GALNT2: variants seen among roughly 807,000 people sequenced by gnomAD.
The protein encoded by GALNT2 is UDP-GalNAc:polypeptide N-acetylgalactosaminyltransferase 2.
GALNT2 carries 31 observed loss-of-function variants against 81.4 expected under a neutral mutation model. The observed-to-expected ratio is 0.38, with a 90% CI of 0.29 to 0.51. The LOEUF (loss-of-function observed/expected upper bound fraction) is 0.51, where lower values mean the gene tolerates loss of function less well. Ranked by LOEUF, GALNT2 falls within the 20% of genes least tolerant of loss-of-function variation. GALNT2 has a pLI of 0.87. For synonymous variants in GALNT2, 303 were observed against 287.4 expected, an observed-to-expected ratio of 1.05 and a Z score of -0.55; for missense variants, 629 against 765.7, an observed-to-expected ratio of 0.82 and a Z score of 2.11.
chr1:230,141,227 C>T (rs536749073), intron 1 of GALNT2, among the ~76,000 whole-genome samples: 27 of 152,258 alleles, frequency 1.8e-4, no homozygotes, highest in Admixed American at 5.2e-4. Context: ...AGAGATCCTG[C>T]CCATCTTAAC....
At chr1:230,181,368 T>C (rs1663154533) in intron 2 of GALNT2, among the ~76,000 whole-genome samples, 1 of 152,226 alleles carries the variant, frequency 6.6e-6, no homozygotes, top group African/African-American at 2.4e-5. Context: ...TTTTCTTGCT[T>C]AGCTAGTGGA....
rs192658797 is a variant in GALNT2 at position 230,153,736 on chromosome 1, C to T, written c.127-24482C>T. ...ACACAGTGAGCTCAGTCTGTCTGGC[C>T]GAGGCCACTCCGCTCTTGGAGATGG... On this transcript the variant is annotated intron_variant, in intron 1 of 15. Transcript: ENST00000366672. Among the ~76,000 whole-genome samples, 101 of 152,290 alleles carry T rather than the reference C, an allele frequency of 6.6e-4. 1 individual carries two copies. The highest frequency in any genetic ancestry group is 2.0e-3 in the African/African-American group (85 of 41,556).
rs373493404 is a variant in GALNT2 at position 230,243,281 on chromosome 1, C to T, written c.608-25C>T. The T allele has an allele frequency of 1.0e-4, 159 of 1,582,678 alleles. No homozygotes were observed. Among genetic ancestry groups the T allele is most frequent in the African/African-American group, 9.1e-4 (68 of 74,376 alleles). On this transcript the variant is annotated intron_variant, in intron 6 of 15. Coordinates refer to ENST00000366672, the MANE Select transcript of GALNT2 (RefSeq NM_004481.5). This position sits in a 1 kb window ranked among gnomAD's most constrained non-coding sequence, Gnocchi z 4.2. Reference sequence around the variant, plus strand: ...TGGCCCTGTGGCTTCTCTCTCCTGACGTGCTTTCCAACTCGCCTCTGCAGG... The same window carrying T: ...TGGCCCTGTGGCTTCTCTCTCCTGATGTGCTTTCCAACTCGCCTCTGCAGG...
chr1:230,199,154 T>C (rs1011712144), intron 2 of GALNT2, among the ~76,000 whole-genome samples: 3 of 152,186 alleles, frequency 2.0e-5, no homozygotes, highest in Non-Finnish European at 4.4e-5. Flanking sequence ...AGATGATGTA[T>C]GGATGACATG....
chr1:230,262,141 G>T (rs552032234), intron 11 of GALNT2: 1 of 160,240 alleles, frequency 6.2e-6, no homozygotes, highest in African/African-American at 2.4e-5. Context: ...TGTCGTAGCC[G>T]TGACGGAGAA....
At chr1:230,164,572 C>T (rs866205520) in intron 1 of GALNT2, among the ~76,000 whole-genome samples, 4 of 151,122 alleles carry the variant, frequency 2.6e-5, no homozygotes, top group African/African-American at 4.9e-5. Context: ...GTCACTCTGT[C>T]GCCCAGGCTG....
intron 1 of GALNT2, among the ~76,000 whole-genome samples, chr1:230,146,860 G>A (rs775463577): frequency 6.6e-6 from 1 of 152,146 alleles, no homozygotes; most frequent in Non-Finnish European, 1.5e-5. Flanking sequence ...CCTGTGAGGA[G>A]GTTAGGTAAG....
chr1:230,127,211 C>T (rs564413022), intron 1 of GALNT2, among the ~76,000 whole-genome samples: 15 of 151,568 alleles, frequency 9.9e-5, no homozygotes, highest in East Asian at 9.7e-4. Context: ...GCCCCGCCTG[C>T]GCTGGTGCTG....
chr1:230,067,441 C>A, intron 1 of GALNT2, 35 bp downstream of exon 1: 1 of 878,174 alleles, frequency 1.1e-6, no homozygotes, highest in Non-Finnish European at 1.5e-6. Context: ...CGGGCCCCTG[C>A]GCCCACCCCC....
chr1:230,253,427 G>A (rs1478079703), intron 10 of GALNT2, among the ~76,000 whole-genome samples: 1 of 152,076 alleles, frequency 6.6e-6, no homozygotes, highest in South Asian at 2.1e-4. Flanking sequence ...CTGCCTGCAG[G>A]ATTTGCCATC....
At chr1:230,252,384 G>A (rs1283162377) in intron 10 of GALNT2, among the ~76,000 whole-genome samples, 2 of 152,250 alleles carry the variant, frequency 1.3e-5, no homozygotes, top group Non-Finnish European at 2.9e-5. Flanking sequence ...CAATTAAAAT[G>A]GAGGACCAAG....
At chr1:230,236,135 C>T in intron 4 of GALNT2, 23 bp downstream of exon 4, 5 of 1,606,452 alleles carry the variant, frequency 3.1e-6, no homozygotes, top group Non-Finnish European at 4.3e-6. Flanking sequence ...GATGCATTAC[C>T]TGTCAGGGGT....
chr1:230,071,589 A>G (rs1659376733), intron 1 of GALNT2, among the ~76,000 whole-genome samples: 1 of 152,064 alleles, frequency 6.6e-6, no homozygotes. Flanking sequence ...GAGGTGGAGC[A>G]TGGGGCCCTC....
chr1:230,260,460 T>G (rs1277990257), intron 11 of GALNT2, among the ~76,000 whole-genome samples: 3 of 152,226 alleles, frequency 2.0e-5, no homozygotes, highest in Non-Finnish European at 4.4e-5. Flanking sequence ...TTAGGAATTT[T>G]TAAGTGATTT....
chr1:230,152,725 G>T (rs1662129819), intron 1 of GALNT2, among the ~76,000 whole-genome samples: 1 of 152,214 alleles, frequency 6.6e-6, no homozygotes, highest in Non-Finnish European at 1.5e-5. Context: ...CTCGTGTTTT[G>T]TGTGAGTGGG....
At chr1:230,140,979 A>G (rs759683192) in intron 1 of GALNT2, among the ~76,000 whole-genome samples, 8 of 152,216 alleles carry the variant, frequency 5.3e-5, no homozygotes, top group Non-Finnish European at 1.0e-4. Context: ...CTTTTGTGTC[A>G]TCATTGAAAA....
intron 3 of GALNT2, among the ~76,000 whole-genome samples, chr1:230,210,966 C>T (rs1664214480): frequency 6.6e-6 from 1 of 152,170 alleles, no homozygotes; most frequent in African/African-American, 2.4e-5. Flanking sequence ...TTAAGTCAGC[C>T]AGCTTGGAGG....
intron 14 of GALNT2, among the ~76,000 whole-genome samples, chr1:230,270,194 C>A (rs918657362): frequency 6.6e-6 from 1 of 152,082 alleles, no homozygotes; most frequent in East Asian, 1.9e-4. Flanking sequence ...GTGTGAGATT[C>A]TGTCTCAAAA....
At position 230,271,458 on chromosome 1, in the gene GALNT2, C is replaced by A. The variant is rs537438255; in HGVS notation, c.1441-2987C>A. ...ACACTGAGTGTCATGCCTGTCAACT[C>A]AGTTCTGACACTGCCTACCCAGAGT... On this transcript the variant is annotated intron_variant, in intron 14 of 15. Coordinates refer to ENST00000366672, the MANE Select transcript of GALNT2 (RefSeq NM_004481.5). This position sits in a 1 kb window ranked among gnomAD's most constrained non-coding sequence, Gnocchi z 4.2. Among the ~76,000 whole-genome samples, 2 of 152,358 alleles carry A rather than the reference C, an allele frequency of 1.3e-5. No homozygotes were observed. Among genetic ancestry groups the A allele is most frequent in the East Asian group, 3.9e-4 (2 of 5,188 alleles).
Sources: allele counts gnomAD v4.1 joint callset (sites outside exome capture counted in the v4.1 genomes callset), GRCh38; gene constraint gnomAD v4.1.1; non-coding constraint Gnocchi (gnomAD v3.1); transcripts MANE v1.5; gene names NCBI Gene and HGNC (gene_info 2026-07-23, HGNC 2026-07-21).